FUT8: variants seen among roughly 807,000 people sequenced by gnomAD.
FUT8 encodes alpha-(1,6)-fucosyltransferase.
In FUT8, 29 loss-of-function variants were observed where a neutral mutation model predicts 71.3. That is an observed-to-expected ratio of 0.41 (90% CI 0.30 to 0.55). The LOEUF is 0.55. Ranked by LOEUF, FUT8 falls within the 20% of genes least tolerant of loss-of-function variation. The pLI, the probability that FUT8 is intolerant of heterozygous loss-of-function variation, is 0.34. For missense variants in FUT8, 544 were observed against 702.1 expected, an observed-to-expected ratio of 0.77 and a Z score of 2.55; for synonymous variants, 254 against 239.3, an observed-to-expected ratio of 1.06 and a Z score of -0.57.
chr14:65,558,189 G>A (rs145708466), intron 2 of FUT8, among the ~76,000 whole-genome samples: 272 of 151,774 alleles, frequency 1.8e-3, no homozygotes, highest in Non-Finnish European at 2.6e-3. Context: ...AAAATGAGCC[G>A]GGCGCCACAG....
chr14:65,568,993 A>G (rs1886339767), intron 3 of FUT8, among the ~76,000 whole-genome samples: 1 of 151,760 alleles, frequency 6.6e-6, no homozygotes, highest in Non-Finnish European at 1.5e-5. Flanking sequence ...ATTTTGTTAG[A>G]TATTTCTATT....
At chr14:65,542,081 G>A (rs1286199299) in intron 2 of FUT8, among the ~76,000 whole-genome samples, 3 of 152,096 alleles carry the variant, frequency 2.0e-5, no homozygotes, top group Non-Finnish European at 2.9e-5. Flanking sequence ...ACGTCGTAAG[G>A]GTATTGAGAG....
intron 2 of FUT8, chr14:65,458,189 A>AC (rs2065921676): frequency 6.6e-6 from 1 of 150,392 alleles, no homozygotes; most frequent in South Asian, 2.1e-4. Flanking sequence ...CTCAAAAAAA[A>AC]AAAAAACAAA....
chr14:65,422,842 G>A (rs572673028), intron 1 of FUT8, among the ~76,000 whole-genome samples: 48 of 151,946 alleles, frequency 3.2e-4, no homozygotes, highest in Non-Finnish European at 5.9e-4. Flanking sequence ...TGTAGAGGCA[G>A]GGTCTCGCTG....
At chr14:65,473,585 C>A (rs1179144224) in intron 2 of FUT8, among the ~76,000 whole-genome samples, 2 of 152,184 alleles carry the variant, frequency 1.3e-5, no homozygotes, top group Admixed American at 6.5e-5. Context: ...GTATTCTAGA[C>A]ACTCATACTT....
At chr14:65,630,563 G>C (rs1245155909) in intron 6 of FUT8, among the ~76,000 whole-genome samples, 1 of 152,174 alleles carries the variant, frequency 6.6e-6, no homozygotes, top group African/African-American at 2.4e-5. Flanking sequence ...ATTATTTGAA[G>C]AGACTAGAAG....
chr14:65,502,689 A>G (rs985838287), intron 2 of FUT8, among the ~76,000 whole-genome samples: 3 of 152,242 alleles, frequency 2.0e-5, no homozygotes, highest in Non-Finnish European at 4.4e-5. Flanking sequence ...ACCCATAAAC[A>G]AAGTTTTAAA....
intron 2 of FUT8, among the ~76,000 whole-genome samples, chr14:65,480,845 C>G (rs558509541): frequency 1.3e-4 from 20 of 152,076 alleles, no homozygotes; most frequent in African/African-American, 4.8e-4. Context: ...TACCACCACA[C>G]TGGCTAATTT....
intron 3 of FUT8, among the ~76,000 whole-genome samples, chr14:65,596,870 A>G (rs1282709746): frequency 6.6e-6 from 1 of 152,194 alleles, no homozygotes. Context: ...TTTTCTCTAG[A>G]CTGTAGACAT....
At chr14:65,611,492 G>A (rs1011039562) in intron 3 of FUT8, among the ~76,000 whole-genome samples, 2 of 148,284 alleles carry the variant, frequency 1.3e-5, no homozygotes, top group South Asian at 2.1e-4. Flanking sequence ...TTATTACTTC[G>A]TTTCTTCCAC....
At chr14:65,720,378 G>C (rs1352129398) in intron 7 of FUT8, among the ~76,000 whole-genome samples, 1 of 147,506 alleles carries the variant, frequency 6.8e-6, no homozygotes, top group Admixed American at 6.7e-5. Context: ...CTCCCTTCTG[G>C]CCCAGGCAGG....
chr14:65,548,631 C>T (rs1594759353), intron 2 of FUT8, among the ~76,000 whole-genome samples: 1 of 151,836 alleles, frequency 6.6e-6, no homozygotes, highest in East Asian at 1.9e-4. Context: ...TTAAAGAACC[C>T]ATAGGAGAAA....
chr14:65,393,214 G>A, the FUT8 span, among the ~76,000 whole-genome samples: 1 of 152,138 alleles, frequency 6.6e-6, no homozygotes, highest in Admixed American at 6.5e-5. Flanking sequence ...TGTGAGACAT[G>A]CCTCCATTTT....
At chr14:65,645,750 G>A (rs1225719338) in intron 6 of FUT8, among the ~76,000 whole-genome samples, 1 of 152,044 alleles carries the variant, frequency 6.6e-6, no homozygotes. Context: ...ATTTTGACTA[G>A]GCATCATTGA....
chr14:65,372,980 A>G, the FUT8 span, among the ~76,000 whole-genome samples: 63 of 152,302 alleles, frequency 4.1e-4, no homozygotes, highest in African/African-American at 1.5e-3. Flanking sequence ...GGTAGGGAGT[A>G]GAGATGCCAG....
chr14:65,553,573 T>A (rs1273339569), intron 2 of FUT8, among the ~76,000 whole-genome samples: 1 of 152,126 alleles, frequency 6.6e-6, no homozygotes, highest in East Asian at 1.9e-4. Context: ...CATTTAACAT[T>A]TTTTATAGTA....
intron 2 of FUT8, among the ~76,000 whole-genome samples, chr14:65,517,923 A>C (rs2139847982): frequency 6.6e-6 from 1 of 152,250 alleles, no homozygotes; most frequent in East Asian, 1.9e-4. Flanking sequence ...AAGAAAACAG[A>C]GTTAGCATGC....
intron 7 of FUT8, among the ~76,000 whole-genome samples, chr14:65,711,390 G>A (rs946280572): frequency 6.6e-6 from 1 of 152,186 alleles, no homozygotes; most frequent in African/African-American, 2.4e-5. Context: ...TTGCTAGGAA[G>A]AAGTTGTTAA....
Position 65,489,430 on chromosome 14 carries a change from T to G in FUT8, c.-228+33712T>G, listed in dbSNP as rs1273547684. 6.6e-6 allele frequency among the ~76,000 whole-genome samples: 1 copy of G among 152,112 alleles called. No individual in the cohort carries two copies. Among genetic ancestry groups the G allele is most frequent in the Non-Finnish European group, 1.5e-5 (1 of 68,014 alleles). On this transcript the variant is annotated intron_variant, in intron 2 of 10. Transcript: ENST00000673929. The surrounding 1 kb of genome is among the most constrained non-coding windows in gnomAD (Gnocchi z 4.0). ...CTTTTTTATTTCTCCCTAAAAGTAT[T>G]GATGTTTTTATAGGAATCTCTGCTA... is the stretch of plus-strand genomic sequence containing the variant.
Sources: allele counts gnomAD v4.1 joint callset (sites outside exome capture counted in the v4.1 genomes callset), GRCh38; gene constraint gnomAD v4.1.1; non-coding constraint Gnocchi (gnomAD v3.1); transcripts MANE v1.5; gene names NCBI Gene and HGNC (gene_info 2026-07-23, HGNC 2026-07-21).